RFX2: variants seen among roughly 807,000 people sequenced by gnomAD.
RFX2 encodes the protein regulatory factor X2.
RFX2 carries 20 observed loss-of-function variants against 87.8 expected under a neutral mutation model. The ratio of observed to expected loss-of-function variants is 0.23; its 90% CI spans 0.16 to 0.33. The LOEUF (loss-of-function observed/expected upper bound fraction) is 0.33. RFX2 is among the 10% of genes least tolerant of loss of function. RFX2 has a pLI of 1.00. For missense variants in RFX2, 767 were observed against 1,012.3 expected, an observed-to-expected ratio of 0.76 and a Z score of 3.29; for synonymous variants, 397 against 431.3, an observed-to-expected ratio of 0.92 and a Z score of 0.98.
Position 6,013,191 on chromosome 19 carries a change from C to A in RFX2, c.780-86G>T. 1.9e-6 allele frequency: 2 copies of A among 1,075,756 alleles called. No individual in the cohort carries two copies. The highest frequency in any genetic ancestry group is 2.5e-6 in the Non-Finnish European group (2 of 801,068). The allele number at this position is 1,075,756 out of a possible 1,614,324, so 66.6% of individuals were successfully genotyped here. A position where few individuals can be genotyped will look rare whatever the true frequency, so the allele number is the denominator to read the frequency against. ...TTGGGATTCTTTTTCTTTCTTTCTTCTTTTTTTTTTTTGAGACAGAATCTC... is the reference window on the plus strand; with the variant it reads ...TTGGGATTCTTTTTCTTTCTTTCTTATTTTTTTTTTTTGAGACAGAATCTC... On this transcript the variant is annotated intron_variant, in intron 7 of 17. Transcript: ENST00000303657. This position sits in a 1 kb window ranked among gnomAD's most constrained non-coding sequence, Gnocchi z 4.1.
intron 1 of RFX2, among the ~76,000 whole-genome samples, chr19:6,059,346 T>C (rs919962405): frequency 1.3e-5 from 2 of 152,232 alleles, no homozygotes; most frequent in African/African-American, 2.4e-5. Context: ...TGATGTGGTC[T>C]GATTTTAACT....
rs927667340 is a variant in RFX2 at position 6,010,468 on chromosome 19, C to T, written c.900-217G>A. ...TCACTGGTTGTGCAACCCTCACCGTCGTCATCTCCAGAACTTGATCATCTT... is the reference window on the plus strand; with the variant it reads ...TCACTGGTTGTGCAACCCTCACCGTTGTCATCTCCAGAACTTGATCATCTT... On this transcript the variant is annotated intron_variant, in intron 8 of 17. Transcript: ENST00000303657. This position sits in a 1 kb window ranked among gnomAD's most constrained non-coding sequence, Gnocchi z 5.0. Among the ~76,000 whole-genome samples the T allele has an allele frequency of 2.6e-5, 4 of 152,220 alleles. No individual in the cohort carries two copies. The highest frequency in any genetic ancestry group is 2.1e-4 in the South Asian group (1 of 4,826).
chr19:6,024,204 G>A lies in RFX2; in HGVS notation c.597+1959C>T, dbSNP rs147709410. Among the ~76,000 whole-genome samples, 1,736 of 152,328 alleles carry A rather than the reference G, an allele frequency of 0.011. 21 individuals are homozygous for A. Among genetic ancestry groups the A allele is most frequent in the Middle Eastern group, 0.037 (11 of 294 alleles). On this transcript the variant is annotated intron_variant, in intron 6 of 17. Transcript: ENST00000303657. This position sits in a 1 kb window ranked among gnomAD's most constrained non-coding sequence, Gnocchi z 5.0. ...TGATACCCTGGACCCGCATGGGTTT[G>A]CGTTCAGGCTGAAGATGGCCTGATC...
At chr19:6,070,641 C>G (rs1050833255) in intron 1 of RFX2, among the ~76,000 whole-genome samples, 12 of 152,154 alleles carry the variant, frequency 7.9e-5, no homozygotes, top group Non-Finnish European at 1.2e-4. Context: ...ATGGTCCCAC[C>G]TCAATGCCTG....
chr19:6,108,628 TC>T (rs2088257845), intron 1 of RFX2, among the ~76,000 whole-genome samples: 1 of 152,138 alleles, frequency 6.6e-6, no homozygotes, highest in Non-Finnish European at 1.5e-5. Context: ...CCTGCGCTGG[TC>T]ATTTATGATA....
intron 1 of RFX2, among the ~76,000 whole-genome samples, chr19:6,091,226 G>A (rs28718730): frequency 0.073 from 11,160 of 152,136 alleles, 439 homozygotes; most frequent in Middle Eastern, 0.1. Flanking sequence ...GTGTGGTGGC[G>A]CATGCCTGTA....
intron 12 of RFX2, among the ~76,000 whole-genome samples, chr19:6,006,313 C>T (rs1367196670): frequency 3.3e-5 from 5 of 151,984 alleles, no homozygotes; most frequent in African/African-American, 1.2e-4. Context: ...GCATGCAACA[C>T]CACACCAGCT....
chr19:6,104,527 C>T (rs1026607957), intron 1 of RFX2, among the ~76,000 whole-genome samples: 3 of 151,196 alleles, frequency 2.0e-5, no homozygotes, highest in African/African-American at 7.3e-5. Context: ...TGAGATGGTG[C>T]CACTGCACTC....
intron 1 of RFX2, among the ~76,000 whole-genome samples, chr19:6,048,183 C>G (rs554787546): frequency 6.6e-6 from 1 of 152,194 alleles, no homozygotes; most frequent in Non-Finnish European, 1.5e-5. Flanking sequence ...AGCAAAGAAA[C>G]AGTACATTTT....
rs902580795 is a variant in RFX2, at chr19:6,012,664, G to A, written c.899+322C>T. On this transcript the variant is annotated intron_variant, in intron 8 of 17. Coordinates refer to ENST00000303657, the MANE Select transcript of RFX2 (RefSeq NM_000635.4). The surrounding 1 kb of genome is among the most constrained non-coding windows in gnomAD (Gnocchi z 4.6). ...AATGGTGGGAGAGGCGGTGGGGAGC[G>A]GGGCTGGGGGTGTAGAACAACTCTC... 2.6e-5 allele frequency among the ~76,000 whole-genome samples: 4 copies of A among 152,044 alleles called. No individual in the cohort carries two copies. Among genetic ancestry groups the A allele is most frequent in the Non-Finnish European group, 4.4e-5 (3 of 68,004 alleles).
At chr19:6,052,977 A>C (rs186260030) in intron 1 of RFX2, among the ~76,000 whole-genome samples, 2 of 152,280 alleles carry the variant, frequency 1.3e-5, no homozygotes, top group African/African-American at 4.8e-5. Flanking sequence ...GTTTAGCTTT[A>C]TATGCTTATG....
chr19:6,040,079 C>G lies in RFX2; in HGVS notation c.423G>C (p.Gly141=), dbSNP rs368050299. 39 of 1,611,326 alleles carry G rather than the reference C, an allele frequency of 2.4e-5. 2 individuals carry two copies. In the African/African-American group the frequency reaches 2.5e-4, roughly 10 times the overall value. ...CTCCCGCGCTGGAGACGATGGGGCT[C>G]CCCCCGACATCCATGGTGATGCCCA... ...SMVGITMDVG[G]SPIVSSAGAY... is the part of the protein sequence containing the mutation. Residue 141 remains glycine, a synonymous_variant, in exon 5 of 18, where the codon GGG becomes GGC. Coordinates refer to ENST00000303657, the MANE Select transcript of RFX2 (RefSeq NM_000635.4). This position sits in a 1 kb window ranked among gnomAD's most constrained non-coding sequence, Gnocchi z 6.1.
chr19:6,093,668 G>A (rs1304238316), intron 1 of RFX2, among the ~76,000 whole-genome samples: 1 of 151,930 alleles, frequency 6.6e-6, no homozygotes, highest in African/African-American at 2.4e-5. Context: ...CTAAATATTA[G>A]GTAAAAGAGC....
chr19:6,072,813 C>T, intron 1 of RFX2: 5 of 1,158,088 alleles, frequency 4.3e-6, no homozygotes, highest in Non-Finnish European at 5.1e-6. Flanking sequence ...GCTGTCTCCT[C>T]CTCAGCATCA....
chr19:6,033,649 A>C (rs2086980471), intron 5 of RFX2, among the ~76,000 whole-genome samples: 1 of 146,860 alleles, frequency 6.8e-6, no homozygotes, highest in African/African-American at 2.5e-5. Flanking sequence ...CTATAAAACC[A>C]GCTTTGAAAG....
At chr19:6,008,265 T>C (rs1482096406) in intron 9 of RFX2, 41 bp from the exon 10 acceptor site, 1 of 1,358,062 alleles carries the variant, frequency 7.4e-7, no homozygotes. Flanking sequence ...GGCGAGGCTC[T>C]TAGGACACCG....
intron 1 of RFX2, among the ~76,000 whole-genome samples, chr19:6,106,473 A>G (rs1476412460): frequency 6.6e-6 from 1 of 152,218 alleles, no homozygotes; most frequent in East Asian, 1.9e-4. Flanking sequence ...TAAATTTGGC[A>G]TGGACTCACT....
rs1057357578 is a variant in RFX2, at chr19:6,061,940, G to A, written c.-8-14436C>T. On this transcript the variant is annotated intron_variant, in intron 1 of 17. Transcript: ENST00000303657. This position sits in a 1 kb window ranked among gnomAD's most constrained non-coding sequence, Gnocchi z 5.2. ...GAGGATCCATTGAACCCAGGAGTTC[G>A]AGACCAGCCTGGGCAACATAGCGAG... 1.4e-4 allele frequency among the ~76,000 whole-genome samples: 22 copies of A among 152,194 alleles called. No individual in the cohort carries two copies. Among genetic ancestry groups the A allele is most frequent in the African/African-American group, 4.3e-4 (18 of 41,516 alleles).
Position 6,001,925 on chromosome 19 carries a change from C to T in RFX2, c.1749G>A (p.Gln583=). 1 of 1,613,052 alleles carries T rather than the reference C, an allele frequency of 6.2e-7. No individual in the cohort carries two copies. The highest frequency in any genetic ancestry group is 1.1e-5 in the South Asian group (1 of 91,066). The change falls in exon 15 of 18, where the codon CAG becomes CAA. Residue 583 remains glutamine (Q), a synonymous_variant. Transcript: ENST00000303657. The surrounding 1 kb of genome is among the most constrained non-coding windows in gnomAD (Gnocchi z 5.6). The stretch of plus-strand genomic sequence containing the variant: ...CCACACTGTCCAGCCAGCTGGCCCA[C>T]TGGTCCAGGGAGCTCTGCTGCTGCA... ...LTLQQQSSLD[Q]WASWLDSVVT... is the part of the protein sequence containing the mutation.
Sources: allele counts gnomAD v4.1 joint callset (sites outside exome capture counted in the v4.1 genomes callset), GRCh38; gene constraint gnomAD v4.1.1; non-coding constraint Gnocchi (gnomAD v3.1); transcripts MANE v1.5; gene names NCBI Gene and HGNC (gene_info 2026-07-23, HGNC 2026-07-21).